The following SPIRE1 variants were observed in gnomAD, a reference collection of about 807,000 sequenced individuals.
The protein encoded by SPIRE1 is spire type actin nucleation factor 1.
SPIRE1 carries 40 observed loss-of-function variants against 94.1 expected under a neutral mutation model. The ratio of observed to expected loss-of-function variants is 0.43; its 90% CI spans 0.33 to 0.55. The LOEUF (loss-of-function observed/expected upper bound fraction) is 0.55, where lower values mean the gene tolerates loss of function less well. Among genes scored for constraint, SPIRE1 ranks in the 20% least tolerant of loss-of-function variants. The pLI, the probability that SPIRE1 is intolerant of heterozygous loss-of-function variation, is 0.06. For missense variants in SPIRE1, 838 were observed against 975.2 expected (o/e 0.86, Z 1.87); for synonymous variants, 376 against 371.7 (o/e 1.01, Z -0.13).
chr18:12,557,341 G>A (rs1206014876), intron 2 of SPIRE1, among the ~76,000 whole-genome samples: 1 of 152,186 alleles, frequency 6.6e-6, no homozygotes, highest in Non-Finnish European at 1.5e-5. Context: ...AGTGCAGGCA[G>A]GCCGACAGTG....
intron 1 of SPIRE1, among the ~76,000 whole-genome samples, chr18:12,649,658 A>T (rs1015550355): frequency 2.6e-5 from 4 of 152,248 alleles, no homozygotes; most frequent in African/African-American, 9.6e-5. Context: ...GCAGAGTGCA[A>T]CTCATCATCT....
chr18:12,557,013 G>A (rs1330826839), intron 2 of SPIRE1, among the ~76,000 whole-genome samples: 24 of 152,280 alleles, frequency 1.6e-4, no homozygotes, highest in East Asian at 1.2e-3. Flanking sequence ...TGATTGGTGC[G>A]TTTACAAACC....
rs2031779682 is a variant in SPIRE1 at position 12,461,151 on chromosome 18, A to T, written c.1638+2200T>A. On this transcript the variant is annotated intron_variant, in intron 12 of 16. Transcript: ENST00000409402. ...GCTTTAACAGGAAACAGACACAGTC[A>T]TGGGCCCTTGGGGTCAGCTGAAGGT... Among the ~76,000 whole-genome samples the T allele has an allele frequency of 2.6e-5, 4 of 152,218 alleles. No homozygotes were observed. The South Asian group carries it at 8.3e-4, about 32-fold the overall frequency.
At chr18:12,537,023 C>T (rs761538739) in intron 3 of SPIRE1, among the ~76,000 whole-genome samples, 3 of 152,122 alleles carry the variant, frequency 2.0e-5, no homozygotes, top group Non-Finnish European at 4.4e-5. Context: ...TCTGTTTTCA[C>T]GTATAGTAAC....
chr18:12,642,316 A>C (rs2038109123), intron 1 of SPIRE1, among the ~76,000 whole-genome samples: 1 of 152,032 alleles, frequency 6.6e-6, no homozygotes, highest in South Asian at 2.1e-4. Context: ...CATAAATGTG[A>C]CTTCTATCCT....
At chr18:12,632,742 C>CTGAA (rs1408548271) in intron 2 of SPIRE1, among the ~76,000 whole-genome samples, 65 of 128,692 alleles carry the variant, frequency 5.1e-4, no homozygotes, top group Admixed American at 8.9e-4. Context: ...TAGTTAGATT[C>CTGAA]CAATTCTTTT....
At chr18:12,577,083 G>A (rs1008449800) in intron 2 of SPIRE1, among the ~76,000 whole-genome samples, 2 of 151,796 alleles carry the variant, frequency 1.3e-5, no homozygotes, top group African/African-American at 4.8e-5. Context: ...GAAACAACTG[G>A]GTATCTATCT....
chr18:12,641,445 T>G, intron 1 of SPIRE1, among the ~76,000 whole-genome samples: 1 of 151,960 alleles, frequency 6.6e-6, no homozygotes, highest in East Asian at 1.9e-4. Context: ...CTTGGCTTAC[T>G]ACAACCTCCG....
chr18:12,648,836 G>C (rs1454903786), intron 1 of SPIRE1, among the ~76,000 whole-genome samples: 1 of 134,878 alleles, frequency 7.4e-6, no homozygotes, highest in Non-Finnish European at 1.5e-5. Context: ...GTTATGGTGA[G>C]CCAAGATCGC....
chr18:12,644,235 A>G (rs1229584654), intron 1 of SPIRE1, among the ~76,000 whole-genome samples: 2 of 150,830 alleles, frequency 1.3e-5, no homozygotes, highest in Non-Finnish European at 3.0e-5. Flanking sequence ...TTAGGGGGCA[A>G]CTATCATTAA....
intron 10 of SPIRE1, among the ~76,000 whole-genome samples, chr18:12,479,175 T>G (rs945984232): frequency 2.1e-5 from 3 of 145,764 alleles, no homozygotes; most frequent in African/African-American, 8.0e-5. Flanking sequence ...TTTTTCTTTT[T>G]CTTTTTTTTT....
At chr18:12,535,920 A>G (rs1385613005) in intron 3 of SPIRE1, among the ~76,000 whole-genome samples, 1 of 152,122 alleles carries the variant, frequency 6.6e-6, no homozygotes, top group Non-Finnish European at 1.5e-5. Flanking sequence ...ATGCCACTGT[A>G]CTCTAGCATG....
intron 2 of SPIRE1, among the ~76,000 whole-genome samples, chr18:12,558,167 G>T (rs2035573420): frequency 6.6e-6 from 1 of 152,186 alleles, no homozygotes; most frequent in Non-Finnish European, 1.5e-5. Flanking sequence ...GGTGTGCCCG[G>T]AGTTTCTTCC....
intron 7 of SPIRE1, among the ~76,000 whole-genome samples, chr18:12,494,147 A>G (rs924535868): frequency 1.3e-5 from 2 of 152,008 alleles, no homozygotes; most frequent in African/African-American, 4.8e-5. Flanking sequence ...TCCCGGGCCC[A>G]AGCAATCTTC....
intron 2 of SPIRE1, 77 bp from the exon 3 acceptor site, chr18:12,546,981 T>C (rs1225129473): frequency 5.1e-6 from 5 of 983,252 alleles, no homozygotes; most frequent in Non-Finnish European, 7.5e-6. Flanking sequence ...ATAAGATGTT[T>C]AGTATGATTT....
intron 1 of SPIRE1, chr18:12,656,698 T>G (rs1288042942): frequency 1.0e-6 from 1 of 982,838 alleles, no homozygotes; most frequent in Non-Finnish European, 1.2e-6. Flanking sequence ...AAACCTTTTC[T>G]CAACCTCCTC....
At chr18:12,587,278 A>G (rs1465063580) in intron 2 of SPIRE1, among the ~76,000 whole-genome samples, 1 of 152,186 alleles carries the variant, frequency 6.6e-6, no homozygotes, top group Non-Finnish European at 1.5e-5. Flanking sequence ...GATTGGGCAC[A>G]AGCTGACTTA....
At chr18:12,487,595 T>C (rs965817270) in intron 8 of SPIRE1, among the ~76,000 whole-genome samples, 3 of 152,058 alleles carry the variant, frequency 2.0e-5, no homozygotes, top group Non-Finnish European at 4.4e-5. Flanking sequence ...GGTTTCACCA[T>C]GTTGGCCAGG....
chr18:12,476,976 C>T (rs934297565), intron 10 of SPIRE1, among the ~76,000 whole-genome samples: 8 of 152,112 alleles, frequency 5.3e-5, no homozygotes, highest in South Asian at 4.1e-4. Flanking sequence ...TTTCTCTTTT[C>T]GGCAATTTAT....
Sources: allele counts gnomAD v4.1 joint callset (sites outside exome capture counted in the v4.1 genomes callset), GRCh38; gene constraint gnomAD v4.1.1; transcripts MANE v1.5; gene names NCBI Gene and HGNC (gene_info 2026-07-23, HGNC 2026-07-21).